SCAPER: variants seen among roughly 807,000 people sequenced by gnomAD.
The protein encoded by SCAPER is S-phase cyclin A associated protein in the ER.
A neutral mutation model predicts 182.2 loss-of-function variants in SCAPER; 98 were observed. The observed-to-expected ratio is 0.54, with a 90% CI of 0.46 to 0.64. The LOEUF is 0.64. Ranked by LOEUF, SCAPER falls within the 30% of genes least tolerant of loss-of-function variation. The probability of loss-of-function intolerance (pLI) is 0.00; values close to 1 mark genes in which losing one functional copy is unlikely to be tolerated. For missense variants in SCAPER, 1,432 were observed against 1,690.0 expected (o/e 0.85, Z 2.68); for synonymous variants, 605 against 564.6 (o/e 1.07, Z -1.01).
chr15:76,892,472 T>C (rs1488426396), intron 1 of SCAPER, among the ~76,000 whole-genome samples: 1 of 151,874 alleles, frequency 6.6e-6, no homozygotes, highest in Non-Finnish European at 1.5e-5. Flanking sequence ...TAAACAAATT[T>C]ACAAGAAAAA....
At chr15:76,564,210 C>CGGA (rs565289101) in intron 23 of SCAPER, among the ~76,000 whole-genome samples, 45 of 151,882 alleles carry the variant, frequency 3.0e-4, no homozygotes, top group Middle Eastern at 6.8e-3. Flanking sequence ...CAAATAGAAA[C>CGGA]GGAGGAAGTC....
Position 76,726,274 on chromosome 15 carries a change from A to G in SCAPER, c.2165+2321T>C, listed in dbSNP as rs753364918. On this transcript the variant is annotated intron_variant, in intron 17 of 31. Transcript: ENST00000563290. ...CAATAAGCACATGAAAAGATGCTTA[A>G]GGTCACTAATCACTAGGGAAATGCA... 6.1e-4 allele frequency among the ~76,000 whole-genome samples: 92 copies of G among 151,066 alleles called. 1 individual carries two copies. Among genetic ancestry groups the G allele is most frequent in the Admixed American group, 1.4e-3 (21 of 15,122 alleles).
intron 24 of SCAPER, among the ~76,000 whole-genome samples, chr15:76,480,460 C>T (rs2051019104): frequency 6.6e-6 from 1 of 152,130 alleles, no homozygotes; most frequent in African/African-American, 2.4e-5. Context: ...CAGGAGTGGC[C>T]CACCTGAAAG....
chr15:76,753,969 C>T (rs1290685803), intron 14 of SCAPER, 21 bp from the exon 15 acceptor site: 2 of 1,608,010 alleles, frequency 1.2e-6, no homozygotes, highest in African/African-American at 1.3e-5. Context: ...TGAATCATCA[C>T]ATCCTTAATT....
intron 26 of SCAPER, among the ~76,000 whole-genome samples, chr15:76,428,894 A>ATT (rs71143324): frequency 7.2e-6 from 1 of 138,122 alleles, no homozygotes; most frequent in East Asian, 2.2e-4. Context: ...ATATATATAT[A>ATT]AACATCAAAA....
intron 21 of SCAPER, among the ~76,000 whole-genome samples, chr15:76,661,226 C>A (rs933150409): frequency 3.9e-5 from 6 of 152,046 alleles, no homozygotes; most frequent in African/African-American, 1.4e-4. Flanking sequence ...CATAAAAACC[C>A]TAGAAGAAAA....
intron 20 of SCAPER, among the ~76,000 whole-genome samples, chr15:76,692,783 A>G (rs1480017684): frequency 6.6e-6 from 1 of 151,756 alleles, no homozygotes; most frequent in African/African-American, 2.4e-5. Flanking sequence ...AAATTCCAAG[A>G]AAGAGGTAAA....
intron 20 of SCAPER, among the ~76,000 whole-genome samples, chr15:76,691,488 A>G (rs2058354361): frequency 6.6e-6 from 1 of 152,158 alleles, no homozygotes; most frequent in Admixed American, 6.5e-5. Context: ...GGCGATACAC[A>G]AATTGAAAAA....
intron 27 of SCAPER, among the ~76,000 whole-genome samples, chr15:76,383,404 A>T (rs1363129713): frequency 2.0e-5 from 3 of 152,200 alleles, no homozygotes; most frequent in African/African-American, 7.2e-5. Context: ...TTTTATTCAT[A>T]ACCACGGTAC....
At chr15:76,889,894 A>T (rs1164950379) in intron 1 of SCAPER, among the ~76,000 whole-genome samples, 1 of 152,206 alleles carries the variant, frequency 6.6e-6, no homozygotes, top group Non-Finnish European at 1.5e-5. Context: ...CGTTGCACTT[A>T]TTCTAAAATT....
chr15:76,576,215 T>G (rs1055245844), intron 22 of SCAPER, among the ~76,000 whole-genome samples: 2 of 152,108 alleles, frequency 1.3e-5, no homozygotes, highest in Non-Finnish European at 1.5e-5. Context: ...TAAGAAACTA[T>G]TAGCTGGCAA....
intron 5 of SCAPER, among the ~76,000 whole-genome samples, chr15:76,828,471 A>G (rs2068188502): frequency 6.6e-6 from 1 of 152,194 alleles, no homozygotes; most frequent in Non-Finnish European, 1.5e-5. Context: ...TCAACTCAGA[A>G]ATTGTCAATA....
At chr15:76,528,125 G>A (rs1285374259) in intron 23 of SCAPER, among the ~76,000 whole-genome samples, 2 of 152,166 alleles carry the variant, frequency 1.3e-5, no homozygotes, top group Non-Finnish European at 2.9e-5. Flanking sequence ...TAGATAAAAT[G>A]TAATCATTAA....
chr15:76,895,715 A>G (rs2074393143), intron 1 of SCAPER, among the ~76,000 whole-genome samples: 1 of 152,190 alleles, frequency 6.6e-6, no homozygotes, highest in Admixed American at 6.5e-5. Context: ...TTTTCTATAC[A>G]CTAACAATGA....
intron 18 of SCAPER, among the ~76,000 whole-genome samples, chr15:76,703,360 C>T (rs946355024): frequency 5.9e-5 from 9 of 152,182 alleles, no homozygotes; most frequent in Admixed American, 1.3e-4. Context: ...TAGTAGGCAT[C>T]AACTTACAAA....
chr15:76,364,494 T>C (rs2041674723), intron 29 of SCAPER, among the ~76,000 whole-genome samples: 2 of 152,158 alleles, frequency 1.3e-5, no homozygotes, highest in South Asian at 4.1e-4. Flanking sequence ...GCTTTTCTCA[T>C]GTAGTGAGGG....
At chr15:76,567,853 A>C (rs557621672) in intron 23 of SCAPER, among the ~76,000 whole-genome samples, 55 of 152,122 alleles carry the variant, frequency 3.6e-4, no homozygotes, top group South Asian at 8.3e-4. Flanking sequence ...CTTTTGATGA[A>C]CAAAAGTTCT....
At chr15:76,784,706 G>C (rs2064448160) in intron 8 of SCAPER, among the ~76,000 whole-genome samples, 1 of 152,124 alleles carries the variant, frequency 6.6e-6, no homozygotes. Flanking sequence ...CAATGGAACA[G>C]AACAGAGGCC....
rs1282399330 is a variant in SCAPER at position 76,887,935 on chromosome 15, C to T, written c.-59-4059G>A. ...ACAGACACCTCATACAGGCAAGGGT[C>T]CCTCTGGAACAAAGCTTCCAGAGGA... On this transcript the variant is annotated intron_variant, in intron 1 of 31. Transcript: ENST00000563290. Among the ~76,000 whole-genome samples the T allele has an allele frequency of 2.6e-5, 4 of 152,272 alleles. No individual in the cohort carries two copies. The East Asian group carries it at 7.7e-4, about 29-fold the overall frequency.
Sources: gnomAD v4.1 joint callset for allele counts (sites outside exome capture counted in the v4.1 genomes callset) on GRCh38, gnomAD v4.1.1 for gene constraint, MANE v1.5 for transcripts, NCBI Gene and HGNC (gene_info 2026-07-23, HGNC 2026-07-21) for gene names.